The following PLCXD3 variants were observed in gnomAD, a reference collection of about 807,000 sequenced individuals.
PLCXD3 encodes PI-PLC X domain-containing protein 3.
PLCXD3 carries 19 observed loss-of-function variants against 25.5 expected under a neutral mutation model. The observed-to-expected ratio is 0.75, with a 90% CI of 0.52 to 1.09. The LOEUF is 1.09. Ranked by LOEUF, PLCXD3 falls within the 50% of genes least tolerant of loss-of-function variation. The probability of loss-of-function intolerance (pLI) is 0.00; values close to 1 mark genes in which losing one functional copy is unlikely to be tolerated. For synonymous variants in PLCXD3, 174 were observed against 137.6 expected, an observed-to-expected ratio of 1.26 and a Z score of -1.85; for missense variants, 411 against 388.1, an observed-to-expected ratio of 1.06 and a Z score of -0.50.
chr5:41,327,030 T>C (rs2150472228), intron 2 of PLCXD3, among the ~76,000 whole-genome samples: 1 of 152,222 alleles, frequency 6.6e-6, no homozygotes, highest in African/African-American at 2.4e-5. Context: ...TTCATTTTAC[T>C]TGGGAGAAAC....
chr5:41,453,242 C>CCATT (rs1747676694), intron 1 of PLCXD3, among the ~76,000 whole-genome samples: 1 of 151,890 alleles, frequency 6.6e-6, no homozygotes, highest in Admixed American at 6.6e-5. Context: ...CACATATATG[C>CCATT]CATTCCATTT....
chr5:41,325,624 A>T (rs1743604475), intron 2 of PLCXD3, among the ~76,000 whole-genome samples: 1 of 152,150 alleles, frequency 6.6e-6, no homozygotes, highest in Non-Finnish European at 1.5e-5. Context: ...TTTGCCATTG[A>T]TAATGTATGA....
At chr5:41,350,032 A>G (rs1744407630) in intron 2 of PLCXD3, among the ~76,000 whole-genome samples, 1 of 151,690 alleles carries the variant, frequency 6.6e-6, no homozygotes, top group African/African-American at 2.4e-5. Context: ...TCTGTGGATG[A>G]CTCCGCAATG....
chr5:41,502,637 C>G (rs926532257), intron 1 of PLCXD3, among the ~76,000 whole-genome samples: 3 of 152,104 alleles, frequency 2.0e-5, no homozygotes, highest in African/African-American at 7.2e-5. Context: ...GTATTGAACA[C>G]CCATTTAAAA....
intron 1 of PLCXD3, among the ~76,000 whole-genome samples, chr5:41,391,893 G>C (rs1020443750): frequency 2.0e-5 from 3 of 152,252 alleles, no homozygotes; most frequent in African/African-American, 7.2e-5. Context: ...GGCCTTAAGG[G>C]AACACCAGCA....
intron 2 of PLCXD3, 93 bp downstream of exon 2, chr5:41,381,733 A>T: frequency 8.5e-7 from 1 of 1,179,208 alleles, no homozygotes; most frequent in Non-Finnish European, 1.2e-6. Context: ...GACCTAATAT[A>T]CATAGGTATA....
rs534399195 is a variant in PLCXD3, at chr5:41,328,288, TGTC to T, written c.813-14521_813-14519del. Among the ~76,000 whole-genome samples, 7 of 152,316 alleles carry T rather than the reference TGTC, an allele frequency of 4.6e-5. No homozygotes were observed. In the East Asian group the frequency reaches 1.4e-3, roughly 29 times the overall value. Reference sequence around the variant, plus strand: ...ATTCAATAATCACTGAGTGACAGCCTGTCAATTCACTGCTTCAGTAGGGGATTC... The same window carrying T: ...ATTCAATAATCACTGAGTGACAGCCTAATTCACTGCTTCAGTAGGGGATTC... On this transcript the variant is annotated intron_variant, in intron 2 of 2. Transcript: ENST00000377801.
chr5:41,311,295 GATA>G lies in PLCXD3; in HGVS notation c.*2319_*2321del, dbSNP rs1743131939. 1 of 151,894 alleles carries G rather than the reference GATA, an allele frequency of 6.6e-6. No homozygotes were observed. The allele number at this position is 151,894 out of a possible 1,614,324, so 9.4% of individuals were successfully genotyped here. A position where few individuals can be genotyped will look rare whatever the true frequency, so the allele number is the denominator to read the frequency against. On this transcript the variant is annotated 3_prime_UTR_variant, in exon 3 of 3. Coordinates refer to ENST00000377801, the MANE Select transcript of PLCXD3 (RefSeq NM_001005473.3). ...AAAGAGCAGGTGTAAAAGACAGAAA[GATA>G]ATAAAACTACAAGGGAAGGGAAAAT...
intron 2 of PLCXD3, among the ~76,000 whole-genome samples, chr5:41,373,247 C>T (rs1320394822): frequency 6.6e-6 from 1 of 152,100 alleles, no homozygotes; most frequent in East Asian, 1.9e-4. Flanking sequence ...ACAGAGACAG[C>T]AAATCGTAGA....
At chr5:41,381,726 C>T (rs1019105615) in intron 2 of PLCXD3, 100 bp downstream of exon 2, 3 of 1,113,298 alleles carry the variant, frequency 2.7e-6, no homozygotes, top group Non-Finnish European at 3.8e-6. Context: ...CCCCAGGGAC[C>T]TAATATACAT....
chr5:41,361,086 G>C (rs1165586601), intron 2 of PLCXD3, among the ~76,000 whole-genome samples: 2 of 151,986 alleles, frequency 1.3e-5, no homozygotes, highest in African/African-American at 2.4e-5. Flanking sequence ...TGTGGCTGCT[G>C]TGGGGGATGG....
At chr5:41,353,180 C>T (rs1264857255) in intron 2 of PLCXD3, among the ~76,000 whole-genome samples, 2 of 151,572 alleles carry the variant, frequency 1.3e-5, no homozygotes, top group African/African-American at 4.9e-5. Flanking sequence ...GCAAGCTCCA[C>T]CTCCCGGGTT....
chr5:41,426,938 A>G (rs558729024), intron 1 of PLCXD3, among the ~76,000 whole-genome samples: 74 of 152,104 alleles, frequency 4.9e-4, no homozygotes, highest in Non-Finnish European at 5.3e-4. Context: ...TCAGTATTTC[A>G]CAGGTATATT....
chr5:41,368,680 A>G (rs1202723242), intron 2 of PLCXD3, among the ~76,000 whole-genome samples: 2 of 152,136 alleles, frequency 1.3e-5, no homozygotes, highest in Non-Finnish European at 2.9e-5. Context: ...GATTTGTCCT[A>G]TATGGCTCTT....
intron 1 of PLCXD3, among the ~76,000 whole-genome samples, chr5:41,453,413 A>G (rs1268246093): frequency 6.7e-6 from 1 of 148,202 alleles, no homozygotes; most frequent in Admixed American, 6.8e-5. Context: ...TTATTCTTTC[A>G]TAGGCCTTCA....
intron 1 of PLCXD3, among the ~76,000 whole-genome samples, chr5:41,417,771 G>A: frequency 6.6e-6 from 1 of 152,190 alleles, no homozygotes; most frequent in East Asian, 1.9e-4. Context: ...AGGAACCAGG[G>A]ATACCTGGGC....
intron 2 of PLCXD3, among the ~76,000 whole-genome samples, chr5:41,330,323 C>T (rs543809045): frequency 7.9e-5 from 12 of 152,076 alleles, no homozygotes; most frequent in Admixed American, 2.0e-4. Flanking sequence ...AACACCTCTA[C>T]GCAAATAAAC....
chr5:41,477,752 A>G (rs1308805609), intron 1 of PLCXD3, among the ~76,000 whole-genome samples: 2 of 152,058 alleles, frequency 1.3e-5, no homozygotes, highest in Admixed American at 6.6e-5. Flanking sequence ...GCAATTTCCT[A>G]CTTATCCACT....
At chr5:41,448,249 A>G (rs532596747) in intron 1 of PLCXD3, among the ~76,000 whole-genome samples, 1 of 152,336 alleles carries the variant, frequency 6.6e-6, no homozygotes, top group African/African-American at 2.4e-5. Flanking sequence ...GATACAAACC[A>G]GAAACCCAGT....
Sources: gnomAD v4.1 joint callset for allele counts (sites outside exome capture counted in the v4.1 genomes callset) on GRCh38, gnomAD v4.1.1 for gene constraint, MANE v1.5 for transcripts, NCBI Gene and HGNC (gene_info 2026-07-23, HGNC 2026-07-21) for gene names.